The following ROBO1 variants were observed in gnomAD, a reference collection of about 807,000 sequenced individuals.
ROBO1 encodes roundabout homolog 1.
Under a neutral mutation model 195.9 loss-of-function variants are expected in ROBO1, and 149 were observed. The observed-to-expected ratio is 0.76, with a 90% CI of 0.67 to 0.87. The LOEUF (loss-of-function observed/expected upper bound fraction) is 0.87, where lower values mean the gene tolerates loss of function less well. Among genes scored for constraint, ROBO1 ranks in the 40% least tolerant of loss-of-function variants. ROBO1 has a pLI of 0.00. For synonymous variants in ROBO1, 816 were observed against 733.2 expected (o/e 1.11, Z -1.82); for missense variants, 1,933 against 2,068.3 (o/e 0.93, Z 1.27).
At chr3:79,738,873 C>T (rs1378802065) in intron 1 of ROBO1, among the ~76,000 whole-genome samples, 1 of 152,024 alleles carries the variant, frequency 6.6e-6, no homozygotes, top group Non-Finnish European at 1.5e-5. Context: ...AGAGACACTC[C>T]AAAAATAGAT....
intron 4 of ROBO1, among the ~76,000 whole-genome samples, chr3:78,787,384 T>A (rs1218648250): frequency 6.6e-6 from 1 of 152,230 alleles, no homozygotes; most frequent in East Asian, 1.9e-4. Flanking sequence ...ATTCAAATAC[T>A]GTTTATGTTT....
At chr3:79,536,761 A>C (rs544500085) in intron 2 of ROBO1, among the ~76,000 whole-genome samples, 2 of 152,296 alleles carry the variant, frequency 1.3e-5, no homozygotes, top group Middle Eastern at 3.4e-3. Flanking sequence ...TTCTATGATA[A>C]AACTGTAGAC....
At chr3:79,572,692 T>C (rs1208286089) in intron 2 of ROBO1, among the ~76,000 whole-genome samples, 1 of 152,126 alleles carries the variant, frequency 6.6e-6, no homozygotes, top group Admixed American at 6.6e-5. Flanking sequence ...AAGGAAGAAG[T>C]AGTAAAACAA....
intron 4 of ROBO1, among the ~76,000 whole-genome samples, chr3:78,769,364 T>C (rs891623934): frequency 6.6e-6 from 1 of 152,216 alleles, no homozygotes; most frequent in Non-Finnish European, 1.5e-5. Flanking sequence ...TTGTTTTGTC[T>C]GATATAAGAA....
chr3:78,714,628 T>C (rs547882723), intron 7 of ROBO1, 104 bp from the exon 8 acceptor site: 3 of 1,066,148 alleles, frequency 2.8e-6, no homozygotes, highest in Admixed American at 7.0e-5. Flanking sequence ...TCTTTTCTGA[T>C]AACTTAAAAC....
Position 78,830,904 on chromosome 3 carries a change from GTTTGT to G in ROBO1, c.500-84009_500-84005del, listed in dbSNP as rs531222527. ...TGTTTTTTGTGTTTTTTGTTTGTTT[GTTTGT>G]TTTGTTTTTGTTTTTGTTTTTGAGA... On this transcript the variant is annotated intron_variant, in intron 4 of 30. Transcript: ENST00000464233. 7.0e-3 allele frequency among the ~76,000 whole-genome samples: 1,051 copies of G among 151,054 alleles called. 7 individuals are homozygous for G. The highest frequency in any genetic ancestry group is 0.012 in the Non-Finnish European group (826 of 67,792).
At chr3:78,704,613 CAG>C (rs1379362016) in intron 8 of ROBO1, among the ~76,000 whole-genome samples, 3 of 61,582 alleles carry the variant, frequency 4.9e-5, no homozygotes, top group Non-Finnish European at 9.1e-5. Flanking sequence ...CACACACACA[CAG>C]ACACACACAC....
intron 4 of ROBO1, among the ~76,000 whole-genome samples, chr3:78,799,921 C>T (rs1471539206): frequency 6.6e-6 from 1 of 152,108 alleles, no homozygotes; most frequent in East Asian, 1.9e-4. Context: ...TATTATTATG[C>T]CCTGTTGAGC....
chr3:78,754,758 G>A (rs2082885317), intron 4 of ROBO1, among the ~76,000 whole-genome samples: 1 of 152,144 alleles, frequency 6.6e-6, no homozygotes, highest in Non-Finnish European at 1.5e-5. Flanking sequence ...TGTGATACAT[G>A]TCATGAAGGA....
intron 2 of ROBO1, among the ~76,000 whole-genome samples, chr3:79,392,052 C>G (rs1304387350): frequency 1.3e-5 from 2 of 152,196 alleles, no homozygotes; most frequent in Non-Finnish European, 2.9e-5. Flanking sequence ...GTCCAGATCT[C>G]TTTTGTTCAG....
chr3:78,684,104 T>C (rs962300316), intron 10 of ROBO1, among the ~76,000 whole-genome samples: 2 of 151,956 alleles, frequency 1.3e-5, no homozygotes, highest in Non-Finnish European at 2.9e-5. Context: ...TGCCCAACAA[T>C]GGACATGTAC....
chr3:79,479,846 T>C (rs1938744518), intron 2 of ROBO1, among the ~76,000 whole-genome samples: 3 of 152,184 alleles, frequency 2.0e-5, no homozygotes, highest in African/African-American at 7.2e-5. Flanking sequence ...ATAAGTAGCA[T>C]AAGACCTTCC....
At chr3:79,656,896 C>T (rs1010809382) in intron 1 of ROBO1, among the ~76,000 whole-genome samples, 5 of 96,810 alleles carry the variant, frequency 5.2e-5, no homozygotes, top group Non-Finnish European at 1.1e-4. Flanking sequence ...GACCTTGTCT[C>T]AAAGAAAAAA....
chr3:78,660,120 C>T (rs1377577929), intron 16 of ROBO1: 2 of 184,298 alleles, frequency 1.1e-5, no homozygotes, highest in South Asian at 1.2e-4. Context: ...GGGGTTTCAC[C>T]GCCTTGGCCA....
intron 2 of ROBO1, among the ~76,000 whole-genome samples, chr3:79,181,416 T>G (rs936179635): frequency 3.9e-5 from 6 of 152,206 alleles, no homozygotes; most frequent in African/African-American, 1.4e-4. Context: ...ACCCTAAACT[T>G]TGAGACTTGT....
chr3:79,025,803 A>T (rs1003853358), intron 3 of ROBO1, among the ~76,000 whole-genome samples: 1 of 152,160 alleles, frequency 6.6e-6, no homozygotes, highest in Admixed American at 6.5e-5. Flanking sequence ...AACATTCACA[A>T]GAAGCAAACC....
At chr3:78,881,860 A>C (rs1212683700) in intron 4 of ROBO1, among the ~76,000 whole-genome samples, 1 of 152,206 alleles carries the variant, frequency 6.6e-6, no homozygotes, top group Non-Finnish European at 1.5e-5. Context: ...TTACTAATTT[A>C]ATATTATACT....
intron 22 of ROBO1, 125 bp from the exon 23 acceptor site, chr3:78,636,233 G>A: frequency 1.6e-6 from 1 of 614,952 alleles, no homozygotes; most frequent in South Asian, 2.5e-5. Context: ...GCTTAAATAA[G>A]ATCAATAAAA....
chr3:78,713,327 G>C (rs1011184525), intron 8 of ROBO1, among the ~76,000 whole-genome samples: 1 of 152,020 alleles, frequency 6.6e-6, no homozygotes, highest in Non-Finnish European at 1.5e-5. Flanking sequence ...GCCCACAGTA[G>C]AAATGCTCCC....
Sources: allele counts gnomAD v4.1 joint callset (sites outside exome capture counted in the v4.1 genomes callset), GRCh38; gene constraint gnomAD v4.1.1; transcripts MANE v1.5; gene names NCBI Gene and HGNC (gene_info 2026-07-23, HGNC 2026-07-21).